Variants in USP34 observed in about 807,000 individuals in gnomAD.
The protein encoded by USP34 is ubiquitin carboxyl-terminal hydrolase 34.
A neutral mutation model predicts 460.3 loss-of-function variants in USP34; 70 were observed. That is an observed-to-expected ratio of 0.15 (90% confidence interval 0.13 to 0.19). The LOEUF (loss-of-function observed/expected upper bound fraction) is 0.19. Among genes scored for constraint, USP34 ranks in the 10% least tolerant of loss-of-function variants. The pLI is 1.00. For missense variants in USP34, 3,985 were observed against 4,236.2 expected (o/e 0.94, Z 1.65); for synonymous variants, 1,647 against 1,405.3 (o/e 1.17, Z -3.85).
chr2:61,456,996 C>G (rs2104086494), intron 1 of USP34, among the ~76,000 whole-genome samples: 1 of 151,786 alleles, frequency 6.6e-6, no homozygotes, highest in East Asian at 1.9e-4. Context: ...ACTAAACAGA[C>G]CAGTGGTGAC....
intron 2 of USP34, among the ~76,000 whole-genome samples, chr2:61,412,613 G>C (rs763128089): frequency 3.9e-5 from 6 of 152,026 alleles, no homozygotes; most frequent in Non-Finnish European, 8.8e-5. Context: ...AAAAGGCCTG[G>C]TGCAGTGGCT....
Position 61,273,825 on chromosome 2 carries a change from T to C in USP34, c.5433+4340A>G, listed in dbSNP as rs182044360. Among the ~76,000 whole-genome samples, 36 of 152,100 alleles carry C rather than the reference T, an allele frequency of 2.4e-4. No individual in the cohort carries two copies. In the Middle Eastern group the frequency reaches 0.01, roughly 43 times the overall value. On this transcript the variant is annotated intron_variant, in intron 41 of 79. Transcript: ENST00000398571. The stretch of plus-strand genomic sequence containing the variant: ...TAAGATGAAACAGAAAGTCCAGAAA[T>C]ACATATGGTAGTTTATTTGAAAAAG...
At chr2:61,365,978 G>A (rs1572971828) in intron 10 of USP34, among the ~76,000 whole-genome samples, 1 of 88,306 alleles carries the variant, frequency 1.1e-5, no homozygotes, top group African/African-American at 3.6e-5. Context: ...TTGAGACACA[G>A]TCTCACTCTG....
At chr2:61,205,072 G>C (rs1687078937) in intron 72 of USP34, among the ~76,000 whole-genome samples, 1 of 152,068 alleles carries the variant, frequency 6.6e-6, no homozygotes, top group Non-Finnish European at 1.5e-5. Flanking sequence ...TGCCCAGGCT[G>C]CTTTTGAATT....
chr2:61,348,620 C>T lies in USP34; in HGVS notation c.1674+136G>A, dbSNP rs978365850. 11 of 1,440,186 alleles carry T rather than the reference C, an allele frequency of 7.6e-6. No homozygotes were observed. In the African/African-American group the frequency reaches 8.6e-5, roughly 11 times the overall value. 89.2% of individuals were successfully genotyped at this position (1,440,186 alleles called of 1,614,324 possible). A position where few individuals can be genotyped will look rare whatever the true frequency, so the allele number is the denominator to read the frequency against. ...GAACAATACAAAATGGAATTAAAAACTCAAAGGATGTCAAAAATATTACGT... is the reference window on the plus strand; with the variant it reads ...GAACAATACAAAATGGAATTAAAAATTCAAAGGATGTCAAAAATATTACGT... On this transcript the variant is annotated intron_variant, in intron 14 of 79. Transcript: ENST00000398571.
Position 61,278,425 on chromosome 2 carries a change from C to T in USP34, c.5275G>A (p.Asp1759Asn). The part of the protein sequence containing the change: ...DASQTTLLDL[D>N]ALARHLADCI... ...TCAGCCAAATGTCTTGCCAAGGCAT[C>T]TAAGTCGAGGAGCGTTGTCTTAATA... Residue 1759 changes from aspartate (D) to asparagine (N), a missense_variant, in exon 40 of 80, where the codon GAT becomes AAT. Physicochemically the swap from Asp to Asn is conservative, Grantham distance 23. Transcript: ENST00000398571. The T allele has an allele frequency of 6.3e-7, 1 of 1,595,308 alleles. No individual in the cohort carries two copies. The highest frequency in any genetic ancestry group is 1.8e-5 in the Admixed American group (1 of 55,128).
intron 10 of USP34, among the ~76,000 whole-genome samples, chr2:61,363,597 T>G (rs1692335480): frequency 6.6e-6 from 1 of 152,206 alleles, no homozygotes; most frequent in Non-Finnish European, 1.5e-5. Flanking sequence ...TATCACAATG[T>G]CATGAGGTGA....
intron 65 of USP34, chr2:61,221,911 G>C (rs1187158067): frequency 4.6e-6 from 1 of 219,460 alleles, no homozygotes; most frequent in Non-Finnish European, 8.9e-6. Context: ...ACAACGTTTT[G>C]AAATATGTAT....
At chr2:61,220,086 C>G (rs959341199) in intron 67 of USP34, 2 of 383,572 alleles carry the variant, frequency 5.2e-6, no homozygotes, top group African/African-American at 2.3e-5. Flanking sequence ...TCACTCTTAT[C>G]AAGCAAGGAA....
intron 27 of USP34, among the ~76,000 whole-genome samples, chr2:61,311,266 T>G (rs1335027979): frequency 6.6e-6 from 1 of 152,128 alleles, no homozygotes; most frequent in Non-Finnish European, 1.5e-5. Flanking sequence ...CCTCTGCCTG[T>G]GAGGAGGCAG....
chr2:61,269,329 T>TAA (rs1689146150), intron 41 of USP34, among the ~76,000 whole-genome samples: 1 of 150,832 alleles, frequency 6.6e-6, no homozygotes, highest in South Asian at 2.1e-4. Context: ...GCTAATTTTT[T>TAA]TTTTTTTTTT....
At chr2:61,461,858 G>T (rs780760902) in intron 1 of USP34, among the ~76,000 whole-genome samples, 1 of 152,176 alleles carries the variant, frequency 6.6e-6, no homozygotes, top group Non-Finnish European at 1.5e-5. Context: ...GATTTAAGTA[G>T]AAAGATGTAC....
At chr2:61,346,119 C>T (rs1691759110) in intron 15 of USP34, 2 of 151,938 alleles carry the variant, frequency 1.3e-5, no homozygotes, top group Non-Finnish European at 2.9e-5. Context: ...TTTCCATAAG[C>T]ACTCATATCT....
At chr2:61,234,337 A>ACT (rs1019159724) in intron 57 of USP34, among the ~76,000 whole-genome samples, 2 of 152,118 alleles carry the variant, frequency 1.3e-5, no homozygotes, top group Admixed American at 1.3e-4. Flanking sequence ...GAGATTTACA[A>ACT]CTCTTTGGTT....
intron 64 of USP34, 108 bp from the exon 65 acceptor site, chr2:61,222,771 A>C: frequency 9.9e-7 from 1 of 1,006,672 alleles, no homozygotes; most frequent in South Asian, 1.5e-5. Flanking sequence ...ATCACAGCTC[A>C]CTGCAGCCTC....
At chr2:61,294,538 C>A (rs1572907599) in intron 32 of USP34, among the ~76,000 whole-genome samples, 1 of 152,014 alleles carries the variant, frequency 6.6e-6, no homozygotes, top group East Asian at 1.9e-4. Context: ...CCTGCCTCAG[C>A]CACCTGGGTA....
At chr2:61,270,112 G>A (rs906840228) in intron 41 of USP34, among the ~76,000 whole-genome samples, 11 of 152,190 alleles carry the variant, frequency 7.2e-5, no homozygotes, top group South Asian at 2.1e-4. Context: ...AAATGTTTTC[G>A]TCACTCTGAA....
chr2:61,411,976 G>A (rs112979184), intron 2 of USP34, among the ~76,000 whole-genome samples: 2,253 of 151,962 alleles, frequency 0.015, 68 homozygotes, highest in African/African-American at 0.051. Flanking sequence ...GATCACCTGA[G>A]GTCAGAAGTT....
At chr2:61,335,047 A>G (rs765546768) in intron 18 of USP34, among the ~76,000 whole-genome samples, 1 of 152,214 alleles carries the variant, frequency 6.6e-6, no homozygotes, top group African/African-American at 2.4e-5. Context: ...GCACTAAAAC[A>G]TTTTATTAAA....
Sources: gnomAD v4.1 joint callset for allele counts (sites outside exome capture counted in the v4.1 genomes callset) on GRCh38, gnomAD v4.1.1 for gene constraint, MANE v1.5 for transcripts, NCBI Gene and HGNC (gene_info 2026-07-23, HGNC 2026-07-21) for gene names.